Variants in LIPG observed in about 807,000 individuals in gnomAD.
LIPG encodes the protein lipase G, endothelial type, also known as endothelial lipase.
In LIPG, 34 loss-of-function variants were observed where a neutral mutation model predicts 51.8. The observed-to-expected ratio is 0.66, with a 90% CI of 0.50 to 0.87. The LOEUF is 0.87. Ranked by LOEUF, LIPG falls within the 40% of genes least tolerant of loss-of-function variation. LIPG has a pLI of 0.00. For missense variants in LIPG, 580 were observed against 652.7 expected (o/e 0.89, Z 1.21); for synonymous variants, 246 against 246.1 (o/e 1.00, Z 0.00).
rs199744392 is a variant in LIPG at position 49,575,476 on chromosome 18, G to A, written c.679G>A (p.Gly227Ser). The A allele has an allele frequency of 8.7e-6, 14 of 1,614,136 alleles. No individual in the cohort carries two copies. Among genetic ancestry groups the A allele is most frequent in the African/African-American group, 5.3e-5 (4 of 75,030 alleles). ...DVLHTYTRSF[G>S]LSIGIQMPVG... ...CCTCCACACCTACACGCGTTCCTTC[G>A]GCTTGAGCATTGGTATTCAGATGCC... The change falls in exon 5 of 10, where the codon GGC (glycine) becomes AGC (serine). Residue 227 changes from glycine (G) to serine (S), a missense_variant. Gly to Ser is a moderately conservative substitution (Grantham distance 56). Transcript: ENST00000261292.
Position 49,594,611 on chromosome 18 carries a change from A to G in LIPG, c.*4089A>G, listed in dbSNP as rs535391654. 2 of 152,368 alleles carry G rather than the reference A, an allele frequency of 1.3e-5. No homozygotes were observed. Among genetic ancestry groups the G allele is most frequent in the South Asian group, 2.1e-4 (1 of 4,832 alleles). The allele number at this position is 152,368 out of a possible 1,614,324, so 9.4% of individuals were successfully genotyped here. On this transcript the variant is annotated 3_prime_UTR_variant, in exon 10 of 10. Transcript: ENST00000261292. ...TACCCTTTAAATGATTAAATCCTGT[A>G]GTCAATTTTTAGTAATCTTAAATTG...
chr18:49,595,997 C>G lies in LIPG; in HGVS notation c.*5475C>G, dbSNP rs1335181690. On this transcript the variant is annotated 3_prime_UTR_variant, in exon 10 of 10. Transcript: ENST00000261292. Reference sequence around the variant, plus strand: ...AAAATTAGATTCCTATTTTAACACGCAACAAAGATGAATTCCAAAATACCT... The same window carrying G: ...AAAATTAGATTCCTATTTTAACACGGAACAAAGATGAATTCCAAAATACCT... 6.6e-6 allele frequency: 1 copy of G among 152,108 alleles called. No individual in the cohort carries two copies. Among genetic ancestry groups the G allele is most frequent in the East Asian group, 1.9e-4 (1 of 5,196 alleles). The allele number at this position is 152,108 out of a possible 1,614,324, so 9.4% of individuals were successfully genotyped here. A position where few individuals can be genotyped will look rare whatever the true frequency, so the allele number is the denominator to read the frequency against.
At chr18:49,561,853 C>A, upstream of LIPG, 1 of 1,261,940 alleles carries the variant, frequency 7.9e-7, no homozygotes, top group East Asian at 3.0e-5. Context: ...CGGAGCGGGC[C>A]CGGGAGGAAG....
rs2084989388 is a variant in LIPG at position 49,597,562 on chromosome 18, C to T, written c.*7040C>T. On this transcript the variant is annotated 3_prime_UTR_variant, in exon 10 of 10. Coordinates refer to ENST00000261292, the MANE Select transcript of LIPG (RefSeq NM_006033.4). ...ATCCATACCATTTAACCTTGACTTT[C>T]CTTAAATCATACCGGTGCGTGTGTG... The T allele has an allele frequency of 6.6e-6, 1 of 152,248 alleles. No individual in the cohort carries two copies. The highest frequency in any genetic ancestry group is 2.4e-5 in the African/African-American group (1 of 41,462). The allele number at this position is 152,248 out of a possible 1,614,324, so 9.4% of individuals were successfully genotyped here.
At chr18:49,568,644 G>A (rs1488455404) in intron 3 of LIPG, among the ~76,000 whole-genome samples, 4 of 152,158 alleles carry the variant, frequency 2.6e-5, no homozygotes, top group African/African-American at 9.7e-5. Flanking sequence ...GCCTCCCAAA[G>A]TGCTGGGATT....
chr18:49,577,027 T>TTA (rs1293340764), intron 5 of LIPG, among the ~76,000 whole-genome samples: 1 of 148,458 alleles, frequency 6.7e-6, no homozygotes, highest in African/African-American at 2.5e-5. Flanking sequence ...TATTTATTTA[T>TTA]TTTTTTTTTA....
rs1225297254 is a variant in LIPG, at chr18:49,596,980, C to A, written c.*6458C>A. ...ATGCACATTGTCAATGGCTAGTAGA[C>A]CTTTACCTGGTCCAGAGTTGTCTGC... On this transcript the variant is annotated 3_prime_UTR_variant, in exon 10 of 10. Coordinates refer to ENST00000261292, the MANE Select transcript of LIPG (RefSeq NM_006033.4). The A allele has an allele frequency of 1.3e-5, 2 of 152,206 alleles. No homozygotes were observed. Among genetic ancestry groups the A allele is most frequent in the Non-Finnish European group, 2.9e-5 (2 of 68,042 alleles). The allele number at this position is 152,206 out of a possible 1,614,324, so 9.4% of individuals were successfully genotyped here.
rs2084987290 is a variant in LIPG, at chr18:49,597,238, GC to G, written c.*6720del. On this transcript the variant is annotated 3_prime_UTR_variant, in exon 10 of 10. Transcript: ENST00000261292. ...CTTGGGAATCTTTCTTCTAATCGAG[GC>G]CCCTAAAATATTCCTGATTTTCACA... 2 of 152,086 alleles carry G rather than the reference GC, an allele frequency of 1.3e-5. No homozygotes were observed. Among genetic ancestry groups the G allele is most frequent in the African/African-American group, 2.4e-5 (1 of 41,406 alleles). 9.4% of individuals were successfully genotyped at this position (152,086 alleles called of 1,614,324 possible).
intron 3 of LIPG, among the ~76,000 whole-genome samples, chr18:49,568,072 C>T (rs8096042): frequency 0.15 from 22,405 of 152,188 alleles, 1,749 homozygotes; most frequent in Middle Eastern, 0.21. Flanking sequence ...TTTTGTTGCC[C>T]AGGCTGGAGT....
chr18:49,570,994 G>A (rs1238332186), intron 4 of LIPG, among the ~76,000 whole-genome samples: 1 of 152,204 alleles, frequency 6.6e-6, no homozygotes, highest in East Asian at 1.9e-4. Context: ...CTTGAGTCTA[G>A]TATGTGCGTG....
In LIPG at chr18:49,562,590, G is replaced by C. The variant is rs560702142; in HGVS notation, c.97+185G>C. 3.3e-5 allele frequency among the ~76,000 whole-genome samples: 5 copies of C among 152,318 alleles called. No homozygotes were observed. The East Asian group carries it at 7.7e-4, about 24-fold the overall frequency. ...CTGCTGGTCTGATGGGGGCATTCCC[G>C]GCAAGTCATGCAAAAGGCAAAGGCT... On this transcript the variant is annotated intron_variant, in intron 1 of 9. Coordinates refer to ENST00000261292, the MANE Select transcript of LIPG (RefSeq NM_006033.4).
chr18:49,567,426 C>G lies in LIPG; in HGVS notation c.280-16C>G, dbSNP rs201857867. On this transcript the variant is annotated splice_polypyrimidine_tract_variant and intron_variant, in intron 2 of 9. Transcript: ENST00000261292. ...TGAAACCAAGAATAAAAAACAACTT[C>G]CACTTTTCTCTGCAGATGAGCGGTA... 4,373 of 1,612,628 alleles carry G rather than the reference C, an allele frequency of 2.7e-3. 15 individuals carry two copies. Among genetic ancestry groups the G allele is most frequent in the Middle Eastern group, 7.4e-3 (45 of 6,058 alleles).
In LIPG at chr18:49,596,632, T is replaced by G. The variant is rs1165168717; in HGVS notation, c.*6110T>G. The G allele has an allele frequency of 1.2e-5, 1 of 82,990 alleles. No individual in the cohort carries two copies. The highest frequency in any genetic ancestry group is 2.1e-5 in the Non-Finnish European group (1 of 47,406). 5.1% of individuals were successfully genotyped at this position (82,990 alleles called of 1,614,324 possible). ...CCTGGGCAACAAGAGCAAATCTCTA[T>G]CTCAAAAAAAAAAAAAAAAAAAAAA... is the stretch of plus-strand genomic sequence containing the variant. On this transcript the variant is annotated 3_prime_UTR_variant, in exon 10 of 10. Transcript: ENST00000261292.
intron 1 of LIPG, among the ~76,000 whole-genome samples, chr18:49,563,954 A>C (rs1167993842): frequency 6.6e-6 from 1 of 152,140 alleles, no homozygotes; most frequent in Non-Finnish European, 1.5e-5. Context: ...ATGAGTGGCT[A>C]TCTGGGTAGA....
In LIPG at chr18:49,583,650, G is replaced by C; in HGVS notation, c.1252G>C (p.Gly418Arg). The C allele has an allele frequency of 1.2e-6, 2 of 1,614,170 alleles. No individual in the cohort carries two copies. Among genetic ancestry groups the C allele is most frequent in the Non-Finnish European group, 1.7e-6 (2 of 1,180,028 alleles). The change falls in exon 8 of 10, where the codon GGG (glycine) becomes CGG (arginine). Residue 418 changes from glycine (G) to arginine (R), a missense_variant. Physicochemically the swap from Gly to Arg is moderately radical, Grantham distance 125 (BLOSUM62 -2). Transcript: ENST00000261292. ...DLLKIQLTWE[G>R]ASQSWYNLWK... ...CTTGAAGATCCAGCTCACCTGGGAGGGGGCCTCTCAGTCTTGGTACAACCT... is the reference window on the plus strand; with the variant it reads ...CTTGAAGATCCAGCTCACCTGGGAGCGGGCCTCTCAGTCTTGGTACAACCT...
intron 5 of LIPG, among the ~76,000 whole-genome samples, chr18:49,577,014 TTTTA>T (rs1379970477): frequency 2.6e-5 from 4 of 151,698 alleles, no homozygotes; most frequent in African/African-American, 4.9e-5. Flanking sequence ...TTATTTTATT[TTTTA>T]TTTATTTATT....
At chr18:49,588,517 C>A (rs939788056) in intron 9 of LIPG, among the ~76,000 whole-genome samples, 1 of 152,084 alleles carries the variant, frequency 6.6e-6, no homozygotes, top group Non-Finnish European at 1.5e-5. Flanking sequence ...CCAAGTTGGT[C>A]TCAAACTCTT....
intron 2 of LIPG, among the ~76,000 whole-genome samples, chr18:49,566,994 C>T (rs1568526575): frequency 6.6e-6 from 1 of 152,204 alleles, no homozygotes; most frequent in Non-Finnish European, 1.5e-5. Flanking sequence ...GCTGGTCCTG[C>T]TCATGTGCAA....
At chr18:49,566,897 G>A (rs2084611620) in intron 2 of LIPG, among the ~76,000 whole-genome samples, 1 of 152,164 alleles carries the variant, frequency 6.6e-6, no homozygotes, top group Non-Finnish European at 1.5e-5. Context: ...CAACAGTATA[G>A]GACATTAGCT....
Sources: gnomAD v4.1 joint callset for allele counts (sites outside exome capture counted in the v4.1 genomes callset) on GRCh38, gnomAD v4.1.1 for gene constraint, MANE v1.5 for transcripts, NCBI Gene and HGNC (gene_info 2026-07-23, HGNC 2026-07-21) for gene names.